IFT122: variants seen among roughly 807,000 people sequenced by gnomAD.
IFT122 encodes intraflagellar transport protein 122 homolog.
Under a neutral mutation model 161.6 loss-of-function variants are expected in IFT122, and 118 were observed. That is an observed-to-expected ratio of 0.73 (90% confidence interval 0.63 to 0.85). The LOEUF is 0.85. IFT122 is among the 40% of genes least tolerant of loss of function. The pLI is 0.00. For synonymous variants in IFT122, 550 were observed against 602.4 expected (o/e 0.91, Z 1.27); for missense variants, 1,381 against 1,579.6 (o/e 0.87, Z 2.13).
At chr3:129,443,187 G>A (rs1444380739) in intron 1 of IFT122, among the ~76,000 whole-genome samples, 3 of 152,202 alleles carry the variant, frequency 2.0e-5, no homozygotes, top group Non-Finnish European at 4.4e-5. Context: ...GATTTAATGA[G>A]GTGACATAAG....
chr3:129,465,383 A>G (rs2076630256), intron 7 of IFT122, among the ~76,000 whole-genome samples: 2 of 152,002 alleles, frequency 1.3e-5, no homozygotes, highest in Non-Finnish European at 2.9e-5. Flanking sequence ...ATACACAAAC[A>G]ATTGGCACCT....
chr3:129,464,741 T>TC lies in IFT122; in HGVS notation c.526dup (p.Leu176ProfsTer25). On this transcript the variant is annotated frameshift_variant, in exon 7 of 30. Coordinates refer to ENST00000348417, the MANE Select transcript of IFT122 (RefSeq NM_052989.3). LOFTEE classifies it high-confidence loss of function. ...AGTAAAGATCGAGCGGCCGGGGGGC[T>TC]CCCTCTCGCCAATATGGTCCATCTG... The TC allele has an allele frequency of 6.2e-7, 1 of 1,613,926 alleles. No homozygotes were observed. Among genetic ancestry groups the TC allele is most frequent in the Non-Finnish European group, 8.5e-7 (1 of 1,179,978 alleles).
chr3:129,498,934 C>T (rs1577945500), intron 18 of IFT122, among the ~76,000 whole-genome samples: 1 of 152,348 alleles, frequency 6.6e-6, no homozygotes, highest in East Asian at 1.9e-4. Context: ...GGTAACTACT[C>T]TGAAAAGAGG....
chr3:129,451,818 C>A, intron 2 of IFT122, 96 bp from the exon 3 acceptor site: 2 of 974,468 alleles, frequency 2.1e-6, no homozygotes, highest in Non-Finnish European at 3.3e-6. Context: ...AATATTGACA[C>A]GTATTGTTAT....
intron 27 of IFT122, 44 bp downstream of exon 27, chr3:129,517,638 G>T (rs779311236): frequency 6.2e-7 from 1 of 1,604,876 alleles, no homozygotes; most frequent in East Asian, 2.3e-5. Flanking sequence ...GGCTGTGTGA[G>T]GGGTCTGGGG....
intron 23 of IFT122, among the ~76,000 whole-genome samples, chr3:129,510,483 T>G (rs1208856840): frequency 1.3e-5 from 2 of 152,194 alleles, no homozygotes; most frequent in African/African-American, 4.8e-5. Context: ...GTCCCTCATC[T>G]TTATCAGGTG....
chr3:129,514,649 C>A, intron 25 of IFT122, 95 bp downstream of exon 25: 1 of 1,385,892 alleles, frequency 7.2e-7, no homozygotes, highest in Non-Finnish European at 1.0e-6. Flanking sequence ...TGAAGAGAGA[C>A]AGCTGCAGCT....
chr3:129,466,957 A>T lies in IFT122; in HGVS notation c.631A>T (p.Ile211Phe), dbSNP rs757121422. Residue 211 changes from isoleucine to phenylalanine, a missense_variant, in exon 8 of 30, where the codon ATT becomes TTT. By Grantham distance (21) the Ile-to-Phe change is conservative. Around this residue, in one of 7 missense-constraint regions of IFT122, gnomAD observed 544 missense variants for 648.0 expected, o/e 0.84. Coordinates refer to ENST00000348417, the MANE Select transcript of IFT122 (RefSeq NM_052989.3). ...CGAGGATGTCATTGTCAACAGATAT[A>T]TTCAGGAAATCCCTTCCACTCTGAA... ...DAEDVIVNRY[I>F]QEIPSTLKSA... is the part of the protein sequence containing the mutation. The T allele has an allele frequency of 6.2e-7, 1 of 1,614,212 alleles. No individual in the cohort carries two copies. Among genetic ancestry groups the T allele is most frequent in the Non-Finnish European group, 8.5e-7 (1 of 1,179,990 alleles).
chr3:129,492,822 T>TC (rs1202342666), intron 17 of IFT122, among the ~76,000 whole-genome samples: 1 of 150,218 alleles, frequency 6.7e-6, no homozygotes, highest in African/African-American at 2.5e-5. Flanking sequence ...TTTTCTTTTT[T>TC]TTTTTTTTTT....
intron 17 of IFT122, among the ~76,000 whole-genome samples, chr3:129,492,777 C>T (rs1408610115): frequency 6.6e-6 from 1 of 151,514 alleles, no homozygotes; most frequent in African/African-American, 2.4e-5. Flanking sequence ...TGTAGGTATG[C>T]CATTTGCTGG....
chr3:129,510,719 A>T (rs777282151), intron 23 of IFT122, among the ~76,000 whole-genome samples: 5 of 152,210 alleles, frequency 3.3e-5, no homozygotes, highest in Non-Finnish European at 5.9e-5. Context: ...ACATGGGACT[A>T]GGAGCTAAGG....
chr3:129,441,138 A>G (rs1447575184), intron 1 of IFT122, among the ~76,000 whole-genome samples: 1 of 152,212 alleles, frequency 6.6e-6, no homozygotes, highest in East Asian at 1.9e-4. Context: ...ATAACATAGC[A>G]GTCTGTTTTG....
intron 15 of IFT122, 46 bp downstream of exon 15, chr3:129,483,728 A>G: frequency 1.3e-6 from 2 of 1,524,174 alleles, no homozygotes; most frequent in Non-Finnish European, 1.8e-6. Context: ...AAGGCTGACA[A>G]GACCAGGGAA....
intron 1 of IFT122, among the ~76,000 whole-genome samples, chr3:129,446,139 C>T (rs2073961931): frequency 6.6e-6 from 1 of 152,120 alleles, no homozygotes; most frequent in Non-Finnish European, 1.5e-5. Flanking sequence ...AGCCTAGTAC[C>T]TCAAGGCTTC....
At position 129,458,592 on chromosome 3, in the gene IFT122, C is replaced by T. The variant is rs2075809921; in HGVS notation, c.194-7C>T. Reference sequence around the variant, plus strand: ...TGTAAGACTTTCCATTTTACAAACACTTTTAGGCAAGCGCTTTGCTTCTGG... The same window carrying T: ...TGTAAGACTTTCCATTTTACAAACATTTTTAGGCAAGCGCTTTGCTTCTGG... On this transcript the variant is annotated splice_polypyrimidine_tract_variant and splice_region_variant and intron_variant, in intron 3 of 29. Transcript: ENST00000348417. The T allele has an allele frequency of 1.9e-6, 3 of 1,613,104 alleles. No homozygotes were observed. The African/African-American group carries it at 4.0e-5, about 21-fold the overall frequency.
intron 7 of IFT122, among the ~76,000 whole-genome samples, chr3:129,465,964 C>T (rs1394166891): frequency 6.6e-6 from 1 of 151,782 alleles, no homozygotes; most frequent in African/African-American, 2.4e-5. Context: ...GTTGCCACCA[C>T]ACCTGGCTAA....
At chr3:129,514,719 T>TGTCCACCTCCTGTTCTCCCCGCA in intron 25 of IFT122, 165 bp downstream of exon 25, 1 of 800,386 alleles carries the variant, frequency 1.2e-6, no homozygotes, top group South Asian at 1.5e-5. Context: ...TGTGCTTCCC[T>TGTCCACCTCCTGTTCTCCCCGCA]GTCCACCTCC....
At chr3:129,460,025 C>T (rs73204207) in intron 4 of IFT122, among the ~76,000 whole-genome samples, 10,188 of 151,838 alleles carry the variant, frequency 0.067, 439 homozygotes, top group South Asian at 0.1. Context: ...ACTGGGATTA[C>T]AGATACGAGC....
At chr3:129,467,575 C>T (rs1344069017) in intron 8 of IFT122, among the ~76,000 whole-genome samples, 3 of 152,172 alleles carry the variant, frequency 2.0e-5, no homozygotes, top group Admixed American at 2.0e-4. Flanking sequence ...CTATCCCTTA[C>T]CTTACCTTGC....
Sources: gnomAD v4.1 joint callset for allele counts (sites outside exome capture counted in the v4.1 genomes callset) on GRCh38, gnomAD v4.1.1 for gene constraint, gnomAD v4.1.1 regional missense constraint, MANE v1.5 for transcripts, NCBI Gene and HGNC (gene_info 2026-07-23, HGNC 2026-07-21) for gene names.